Variants in TMC6 observed in about 807,000 individuals in gnomAD.
TMC6 encodes the protein transmembrane channel-like protein 6.
TMC6 carries 71 observed loss-of-function variants against 95.4 expected under a neutral mutation model. The observed-to-expected ratio is 0.74, with a 90% CI of 0.61 to 0.91. TMC6 has a LOEUF of 0.91. TMC6 is among the 40% of genes least tolerant of loss of function. The pLI is 0.00. For synonymous variants in TMC6, 514 were observed against 483.1 expected (o/e 1.06, Z -0.84); for missense variants, 1,074 against 1,079.1 (o/e 1.00, Z 0.07).
rs765510635 is a variant in TMC6 at position 78,125,868 on chromosome 17, G to A, written c.288C>T (p.Ala96=). Residue 96 remains alanine, a synonymous_variant, in exon 5 of 20, where the codon GCC becomes GCT. Coordinates refer to ENST00000590602, the MANE Select transcript of TMC6 (RefSeq NM_001127198.5). ...TGCGGTTGTAGTACTGGGAGATGAT[G>A]GCACCTCGGCTGCGGCCTATGGAGG... is the stretch of plus-strand genomic sequence containing the variant. The part of the protein sequence containing the change: ...PSRTIGRSRG[A]IISQYYNRTV... The A allele has an allele frequency of 9.0e-6, 14 of 1,551,102 alleles. No individual in the cohort carries two copies. The Admixed American group carries it at 2.3e-4, about 26-fold the overall frequency.
intron 18 of TMC6, among the ~76,000 whole-genome samples, chr17:78,116,631 A>G (rs1017363471): frequency 3.3e-5 from 5 of 151,958 alleles, no homozygotes; most frequent in Non-Finnish European, 5.9e-5. Context: ...CATGCCTATA[A>G]TCCTAGCACT....
rs1272160274 is a variant in TMC6, at chr17:78,110,920, G to A, written c.*2228C>T. On this transcript the variant is annotated 3_prime_UTR_variant, in exon 20 of 20. Coordinates refer to ENST00000590602, the MANE Select transcript of TMC6 (RefSeq NM_001127198.5). ...AAATACGGGAGGTCCTCACTGGAGG[G>A]TCTGGGGCCACACGGTGGGTCCGGA... 2 of 140,010 alleles carry A rather than the reference G, an allele frequency of 1.4e-5. No homozygotes were observed. The highest frequency in any genetic ancestry group is 3.1e-5 in the Non-Finnish European group (2 of 65,194). The allele number at this position is 140,010 out of a possible 1,614,324, so 8.7% of individuals were successfully genotyped here.
chr17:78,121,841 C>T lies in TMC6; in HGVS notation c.1228-130G>A, dbSNP rs2074431001. 2.5e-6 allele frequency: 3 copies of T among 1,208,840 alleles called. No homozygotes were observed. The highest frequency in any genetic ancestry group is 3.4e-6 in the Non-Finnish European group (3 of 883,082). The allele number at this position is 1,208,840 out of a possible 1,614,324, so 74.9% of individuals were successfully genotyped here. On this transcript the variant is annotated intron_variant, in intron 10 of 19. Transcript: ENST00000590602. The surrounding 1 kb of genome is among the most constrained non-coding windows in gnomAD (Gnocchi z 5.6). ...CTTGAACCAGGACAGAGGGCCAGTT[C>T]CCCATGCCCCACCTGCCCTTTCATC...
At chr17:78,126,123 G>T in intron 4 of TMC6, 154 bp downstream of exon 4, 3 of 1,202,056 alleles carry the variant, frequency 2.5e-6, no homozygotes, top group Middle Eastern at 2.8e-4. Context: ...CCAGGCAGCA[G>T]ATGGGATGGG....
chr17:78,118,159 C>T, intron 15 of TMC6: 3 of 691,026 alleles, frequency 4.3e-6, no homozygotes, highest in Non-Finnish European at 7.2e-6. Context: ...AAGGTCGCTG[C>T]CATGCCAGGC....
At chr17:78,132,226 C>T (rs917822471), upstream of TMC6, 5 of 1,375,968 alleles carry the variant, frequency 3.6e-6, no homozygotes, top group East Asian at 2.5e-5. Context: ...TGACTGTCAG[C>T]GGTACCTCCG....
intron 18 of TMC6, 129 bp from the exon 19 acceptor site, chr17:78,113,753 A>T: frequency 2.1e-6 from 2 of 967,882 alleles, no homozygotes; most frequent in Non-Finnish European, 3.2e-6. Context: ...AAAAACATAA[A>T]AGAAAAGGTG....
At chr17:78,125,133 C>G in intron 6 of TMC6, 25 bp downstream of exon 6, 2 of 1,553,366 alleles carry the variant, frequency 1.3e-6, no homozygotes, top group Non-Finnish European at 1.7e-6. Flanking sequence ...GCAGCGGCGG[C>G]ATGGTCAGGG....
At chr17:78,119,538 C>T in intron 13 of TMC6, 146 bp from the exon 14 acceptor site, 2 of 816,762 alleles carry the variant, frequency 2.4e-6, no homozygotes, top group Non-Finnish European at 4.1e-6. Context: ...CAGCCACCAG[C>T]CTGGGGGACC....
In TMC6 at chr17:78,113,215, C is replaced by A; in HGVS notation, c.2355-4G>T. Reference sequence around the variant, plus strand: ...AGCCTCCTCGGTTGTCCCAACCCTGCCAGAAAGAGACATCACTGAGGGGAC... The same window carrying A: ...AGCCTCCTCGGTTGTCCCAACCCTGACAGAAAGAGACATCACTGAGGGGAC... On this transcript the variant is annotated splice_region_variant and splice_polypyrimidine_tract_variant and intron_variant, in intron 19 of 19. Coordinates refer to ENST00000590602, the MANE Select transcript of TMC6 (RefSeq NM_001127198.5). 6.4e-7 allele frequency: 1 copy of A among 1,552,814 alleles called. No individual in the cohort carries two copies.
At chr17:78,115,170 A>G (rs3794741) in intron 18 of TMC6, among the ~76,000 whole-genome samples, 17,346 of 152,260 alleles carry the variant, frequency 0.11, 2,073 homozygotes, top group African/African-American at 0.3. Context: ...GAGCCGTCCC[A>G]TGAGTGCTTG....
Position 78,124,949 on chromosome 17 carries a change from G to C in TMC6, c.573C>G (p.Gly191=), listed in dbSNP as rs747205872. The part of the protein sequence containing the change: ...KSRTPRGKWR[G]QPGSGGVCSC... ...AGCAGACCCCGCCGCTGCCCGGCTGGCCCCTCCACTTCCCCCTCGGGGTCC... is the reference window on the plus strand; with the variant it reads ...AGCAGACCCCGCCGCTGCCCGGCTGCCCCCTCCACTTCCCCCTCGGGGTCC... The change falls in exon 7 of 20, where the codon GGC becomes GGG. Residue 191 remains glycine, a synonymous_variant. Coordinates refer to ENST00000590602, the MANE Select transcript of TMC6 (RefSeq NM_001127198.5). The C allele has an allele frequency of 6.3e-7, 1 of 1,599,920 alleles. No homozygotes were observed. The highest frequency in any genetic ancestry group is 1.7e-5 in the Admixed American group (1 of 58,772).
In TMC6 at chr17:78,126,784, C is replaced by T. The variant is rs2074742090; in HGVS notation, c.49G>A (p.Asp17Asn). 1.2e-6 allele frequency: 2 copies of T among 1,613,032 alleles called. No homozygotes were observed. The highest frequency in any genetic ancestry group is 1.7e-5 in the Admixed American group (1 of 59,984). ...CAGCCCCAGAGCGCTTACCCCTGGT[C>T]CCCTGGGGTCTCAGGGACATCGAGG... ...FILDVPETPG[D>N]QGQGPSPYDE... is the part of the protein sequence containing the mutation. The change falls in exon 2 of 20, where the codon GAC becomes AAC. Residue 17 changes from aspartate to asparagine, a missense_variant. Asp to Asn is a conservative substitution (Grantham distance 23). Transcript: ENST00000590602.
chr17:78,126,123 G>C, intron 4 of TMC6, 154 bp downstream of exon 4: 2 of 1,202,056 alleles, frequency 1.7e-6, no homozygotes, highest in Non-Finnish European at 2.3e-6. Flanking sequence ...CCAGGCAGCA[G>C]ATGGGATGGG....
At chr17:78,116,739 G>A (rs781564050) in intron 18 of TMC6, among the ~76,000 whole-genome samples, 68 of 152,232 alleles carry the variant, frequency 4.5e-4, no homozygotes, top group African/African-American at 1.3e-3. Context: ...AAAAGTAGCC[G>A]GAGTGGCGGC....
rs1323040358 is a variant in TMC6, at chr17:78,124,997, G to A, written c.537-12C>T. ...TCCTGCTCTTCTCTCTGGGGACAGA[G>A]GCAGCCATAGGTGCCTGGACCAATG... On this transcript the variant is annotated splice_polypyrimidine_tract_variant and intron_variant, in intron 6 of 19. Coordinates refer to ENST00000590602, the MANE Select transcript of TMC6 (RefSeq NM_001127198.5). The A allele has an allele frequency of 1.9e-6, 3 of 1,575,090 alleles. No individual in the cohort carries two copies. The highest frequency in any genetic ancestry group is 1.3e-5 in the African/African-American group (1 of 74,296).
In TMC6 at chr17:78,117,588, G is replaced by C; in HGVS notation, c.2078C>G (p.Ala693Gly). 6.3e-7 allele frequency: 1 copy of C among 1,584,646 alleles called. No individual in the cohort carries two copies. The highest frequency in any genetic ancestry group is 8.6e-7 in the Non-Finnish European group (1 of 1,167,048). ...CAGGTGGCGCACCCACACCCTGCCGGCCTCGTACATGGTGTCCAGGGTCCG... is the reference window on the plus strand; with the variant it reads ...CAGGTGGCGCACCCACACCCTGCCGCCCTCGTACATGGTGTCCAGGGTCCG... Reference protein sequence around the residue: ...PFRTLDTMYEAGRVWVRHLEA... With the variant: ...PFRTLDTMYEGGRVWVRHLEA... The change falls in exon 17 of 20, where the codon GCC becomes GGC. Residue 693 changes from alanine to glycine, a missense_variant. By Grantham distance (60) the Ala-to-Gly change is moderately conservative. Coordinates refer to ENST00000590602, the MANE Select transcript of TMC6 (RefSeq NM_001127198.5).
Position 78,113,084 on chromosome 17 carries a change from C to T in TMC6, c.*64G>A. ...CCTTGTCCTGGTGTCCCAGCAGGGT[C>T]ACTGGGAGGCAACAGTGTGGTCTCA... On this transcript the variant is annotated 3_prime_UTR_variant, in exon 20 of 20. Transcript: ENST00000590602. The T allele has an allele frequency of 6.6e-7, 1 of 1,510,168 alleles. No homozygotes were observed. The highest frequency in any genetic ancestry group is 1.2e-5 in the South Asian group (1 of 83,212). The allele number at this position is 1,510,168 out of a possible 1,614,324, so 93.5% of individuals were successfully genotyped here.
intron 17 of TMC6, 40 bp downstream of exon 17, chr17:78,117,428 G>A (rs770408558): frequency 8.1e-6 from 13 of 1,610,958 alleles, no homozygotes; most frequent in Middle Eastern, 1.9e-4. Context: ...GGCCCAGCGA[G>A]GGCCATCTCC....
Sources: allele counts gnomAD v4.1 joint callset (sites outside exome capture counted in the v4.1 genomes callset), GRCh38; gene constraint gnomAD v4.1.1; non-coding constraint Gnocchi (gnomAD v3.1); transcripts MANE v1.5; gene names NCBI Gene and HGNC (gene_info 2026-07-23, HGNC 2026-07-21).